Variants in DDX10 observed in about 807,000 individuals in gnomAD.
DDX10 encodes probable ATP-dependent RNA helicase DDX10.
In DDX10, 74 loss-of-function variants were observed where a neutral mutation model predicts 104.3. The observed-to-expected ratio is 0.71, with a 90% confidence interval of 0.59 to 0.86. The LOEUF (loss-of-function observed/expected upper bound fraction) is 0.86, where lower values mean the gene tolerates loss of function less well. Among genes scored for constraint, DDX10 ranks in the 40% least tolerant of loss-of-function variants. DDX10 has a pLI of 0.00. For synonymous variants in DDX10, 351 were observed against 353.4 expected, an observed-to-expected ratio of 0.99 and a Z score of 0.08; for missense variants, 952 against 1,040.0, an observed-to-expected ratio of 0.92 and a Z score of 1.16.
intron 7 of DDX10, among the ~76,000 whole-genome samples, chr11:108,690,137 C>T (rs563712681): frequency 6.6e-6 from 1 of 152,154 alleles, no homozygotes; most frequent in Admixed American, 6.5e-5. Context: ...CTCAAGGCAA[C>T]TTGGAAGTGT....
chr11:108,871,189 T>C (rs1223648820), intron 16 of DDX10, among the ~76,000 whole-genome samples: 1 of 152,172 alleles, frequency 6.6e-6, no homozygotes, highest in East Asian at 1.9e-4. Flanking sequence ...TATACTGTGG[T>C]TGATTTCCAT....
intron 16 of DDX10, among the ~76,000 whole-genome samples, chr11:108,907,171 T>C (rs1863606876): frequency 6.6e-6 from 1 of 150,718 alleles, no homozygotes; most frequent in South Asian, 2.1e-4. Flanking sequence ...AATATCCCCA[T>C]TGTTTTGGAA....
intron 16 of DDX10, among the ~76,000 whole-genome samples, chr11:108,862,287 G>A (rs1458849945): frequency 6.6e-6 from 1 of 152,140 alleles, no homozygotes; most frequent in Non-Finnish European, 1.5e-5. Context: ...GCCTCCCAAT[G>A]TGCTGGGATT....
At chr11:108,837,390 C>G (rs1018310588) in intron 13 of DDX10, among the ~76,000 whole-genome samples, 1 of 152,136 alleles carries the variant, frequency 6.6e-6, no homozygotes, top group Admixed American at 6.5e-5. Flanking sequence ...TCCAAATCCT[C>G]AGACCTGGGT....
intron 13 of DDX10, among the ~76,000 whole-genome samples, chr11:108,819,592 C>T (rs1862298756): frequency 1.3e-5 from 2 of 151,868 alleles, no homozygotes; most frequent in African/African-American, 4.8e-5. Flanking sequence ...AAACCATATG[C>T]CTATTTCTTT....
At chr11:108,896,872 A>G (rs2553748) in intron 16 of DDX10, among the ~76,000 whole-genome samples, 22,845 of 152,012 alleles carry the variant, frequency 0.15, 2,098 homozygotes, top group East Asian at 0.27. Flanking sequence ...CTGGGGGGAA[A>G]AAAAATCCCT....
Position 108,691,928 on chromosome 11 carries a change from T to G in DDX10, c.1028T>G (p.Leu343Arg). 6.2e-7 allele frequency: 1 copy of G among 1,614,074 alleles called. No individual in the cohort carries two copies. The highest frequency in any genetic ancestry group is 8.5e-7 in the Non-Finnish European group (1 of 1,180,026). Residue 343 changes from leucine (L) to arginine (R), a missense_variant, in exon 8 of 18, where the codon CTT (leucine) becomes CGT (arginine). Coordinates refer to ENST00000322536, the MANE Select transcript of DDX10 (RefSeq NM_004398.4). The stretch of plus-strand genomic sequence containing the variant: ...CGGCTACGTCCTGGTGTTTCTATCC[T>G]TGCACTCCATGGTCGACAGCAGCAA... ...FCRLRPGVSI[L>R]ALHGRQQQMR...
chr11:108,883,575 A>C (rs1863256254), intron 16 of DDX10, among the ~76,000 whole-genome samples: 1 of 152,148 alleles, frequency 6.6e-6, no homozygotes, highest in African/African-American at 2.4e-5. Flanking sequence ...CTCTTTCTAG[A>C]GTCTGCATTC....
At chr11:108,861,495 A>G (rs1298638223) in intron 16 of DDX10, among the ~76,000 whole-genome samples, 2 of 152,216 alleles carry the variant, frequency 1.3e-5, no homozygotes, top group African/African-American at 4.8e-5. Context: ...TACATCCAAT[A>G]ATGGGCAAAT....
intron 13 of DDX10, chr11:108,729,845 G>A (rs1397922212): frequency 6.6e-6 from 1 of 152,120 alleles, no homozygotes; most frequent in African/African-American, 2.4e-5. Context: ...AGGAGATTTG[G>A]TCTGCAAATT....
At chr11:108,674,355 A>G (rs1308410604) in intron 2 of DDX10, among the ~76,000 whole-genome samples, 3 of 152,130 alleles carry the variant, frequency 2.0e-5, no homozygotes, top group South Asian at 2.1e-4. Flanking sequence ...AAATATGTAT[A>G]TGCTGTGGAA....
chr11:108,860,885 C>G (rs748235320), intron 16 of DDX10: 1 of 151,854 alleles, frequency 6.6e-6, no homozygotes, highest in African/African-American at 2.4e-5. Flanking sequence ...TCCATTTCCT[C>G]CATATCTTAA....
chr11:108,849,771 C>T (rs559105833), intron 15 of DDX10, among the ~76,000 whole-genome samples: 4 of 152,112 alleles, frequency 2.6e-5, no homozygotes, highest in African/African-American at 9.6e-5. Flanking sequence ...GCATTTGAGC[C>T]ACACCTAATT....
At chr11:108,934,293 A>G (rs1304925822) in intron 17 of DDX10, among the ~76,000 whole-genome samples, 1 of 152,198 alleles carries the variant, frequency 6.6e-6, no homozygotes, top group African/African-American at 2.4e-5. Context: ...AGTCCTTTTC[A>G]CTTAGAAGGG....
intron 13 of DDX10, among the ~76,000 whole-genome samples, chr11:108,804,000 A>G (rs751917663): frequency 2.6e-5 from 4 of 152,220 alleles, no homozygotes; most frequent in East Asian, 1.9e-4. Flanking sequence ...TTCCAGGGCA[A>G]TTTCTTGCTG....
In DDX10 at chr11:108,776,303, G is replaced by A. The variant is rs751122896; in HGVS notation, c.1965+52841G>A. Reference sequence around the variant, plus strand: ...CTCCTTGGAGTTTTGCCACTTGCACGTGCATTTCAGCTGTCAGCCAAGAAT... The same window carrying A: ...CTCCTTGGAGTTTTGCCACTTGCACATGCATTTCAGCTGTCAGCCAAGAAT... On this transcript the variant is annotated intron_variant, in intron 13 of 17. Transcript: ENST00000322536. Among the ~76,000 whole-genome samples the A allele has an allele frequency of 6.6e-5, 10 of 152,108 alleles. No homozygotes were observed. The East Asian group carries it at 7.7e-4, about 12-fold the overall frequency.
intron 13 of DDX10, among the ~76,000 whole-genome samples, chr11:108,790,750 G>A (rs1330834594): frequency 6.6e-6 from 1 of 151,584 alleles, no homozygotes; most frequent in Non-Finnish European, 1.5e-5. Context: ...GCCACTTCAT[G>A]GTCTCTCTTT....
chr11:108,885,850 G>T (rs1445000342), intron 16 of DDX10, among the ~76,000 whole-genome samples: 2 of 152,076 alleles, frequency 1.3e-5, no homozygotes, highest in Admixed American at 6.5e-5. Context: ...ATAACCTCTG[G>T]GGCCAAAATT....
At chr11:108,682,370 G>T (rs1291181024) in intron 6 of DDX10, among the ~76,000 whole-genome samples, 1 of 152,168 alleles carries the variant, frequency 6.6e-6, no homozygotes, top group South Asian at 2.1e-4. Flanking sequence ...CTCCCACAGT[G>T]CTGGGATTAC....
Sources: allele counts gnomAD v4.1 joint callset (sites outside exome capture counted in the v4.1 genomes callset), GRCh38; gene constraint gnomAD v4.1.1; transcripts MANE v1.5; gene names NCBI Gene and HGNC (gene_info 2026-07-23, HGNC 2026-07-21).